Variants in CCSER1 observed in about 807,000 individuals in gnomAD.
CCSER1 encodes the protein serine-rich coiled-coil domain-containing protein 1.
In CCSER1, 41 loss-of-function variants were observed where a neutral mutation model predicts 82.0. The observed-to-expected ratio is 0.50, with a 90% CI of 0.39 to 0.65. CCSER1 has a LOEUF of 0.65. CCSER1 is among the 30% of genes least tolerant of loss of function. CCSER1 has a pLI of 0.00. For synonymous variants in CCSER1, 414 were observed against 383.9 expected (o/e 1.08, Z -0.92); for missense variants, 1,119 against 1,064.2 (o/e 1.05, Z -0.72).
At chr4:90,838,932 C>T in intron 8 of CCSER1, 8 of 1,613,494 alleles carry the variant, frequency 5.0e-6, no homozygotes, top group Non-Finnish European at 5.9e-6. Flanking sequence ...TTCTCCTGTT[C>T]AATCGTTTCT....
At chr4:91,251,092 G>A (rs1462665621) in intron 10 of CCSER1, among the ~76,000 whole-genome samples, 1 of 152,080 alleles carries the variant, frequency 6.6e-6, no homozygotes, top group Non-Finnish European at 1.5e-5. Context: ...CTGAAACAAT[G>A]AGAATCTGTC....
chr4:91,147,296 C>T (rs1729633840), intron 10 of CCSER1, among the ~76,000 whole-genome samples: 2 of 152,172 alleles, frequency 1.3e-5, no homozygotes, highest in African/African-American at 4.8e-5. Flanking sequence ...CTCATTCTCC[C>T]CCAATCCAGT....
chr4:90,544,322 A>G (rs116046009), intron 5 of CCSER1, among the ~76,000 whole-genome samples: 4,278 of 152,264 alleles, frequency 0.028, 75 homozygotes, highest in Non-Finnish European at 0.042. Context: ...GCCTGGATGA[A>G]TAGAACTCAC....
chr4:91,068,989 C>A (rs1158917451), intron 9 of CCSER1, among the ~76,000 whole-genome samples: 2 of 151,970 alleles, frequency 1.3e-5, no homozygotes, highest in Non-Finnish European at 2.9e-5. Flanking sequence ...TTGAGACCAG[C>A]CTGGCAAAAT....
chr4:90,552,599 A>G (rs779255325), intron 5 of CCSER1, among the ~76,000 whole-genome samples: 9 of 151,856 alleles, frequency 5.9e-5, no homozygotes, highest in Non-Finnish European at 1.0e-4. Context: ...CTGGGACCAT[A>G]AGCATAACAC....
At chr4:90,767,802 G>C (rs1751471634) in intron 7 of CCSER1, among the ~76,000 whole-genome samples, 1 of 152,054 alleles carries the variant, frequency 6.6e-6, no homozygotes, top group African/African-American at 2.4e-5. Context: ...TGAGTAGCTG[G>C]AACTACAGGT....
rs1350658515 is a variant in CCSER1 at position 91,012,839 on chromosome 4, C to T, written c.2173-73111C>T. Among the ~76,000 whole-genome samples the T allele has an allele frequency of 3.7e-5, 5 of 133,612 alleles. 1 individual carries two copies. Among genetic ancestry groups the T allele is most frequent in the African/African-American group, 1.2e-4 (5 of 40,216 alleles). The allele number at this position is 133,612 out of a possible 152,430, so 87.7% of individuals were successfully genotyped here. ...CTCACCTTAGTGCCTGAAAGGACTG[C>T]AGGGGTCCCCAGTGGTTAGGACTGT... On this transcript the variant is annotated intron_variant, in intron 9 of 10. Transcript: ENST00000509176.
chr4:90,420,745 CT>C (rs1756560063), intron 4 of CCSER1, among the ~76,000 whole-genome samples: 1 of 152,186 alleles, frequency 6.6e-6, no homozygotes, highest in Admixed American at 6.5e-5. Context: ...ATAGTATTTA[CT>C]TGTAACCTGC....
chr4:90,365,489 G>A (rs912471751), intron 3 of CCSER1, among the ~76,000 whole-genome samples: 2 of 151,632 alleles, frequency 1.3e-5, no homozygotes, highest in Non-Finnish European at 3.0e-5. Context: ...TAAGGAATTC[G>A]TGATAATTTT....
chr4:91,295,350 A>G (rs1744072547), intron 10 of CCSER1, among the ~76,000 whole-genome samples: 1 of 151,952 alleles, frequency 6.6e-6, no homozygotes, highest in African/African-American at 2.4e-5. Flanking sequence ...CAAAATATAC[A>G]AGAAATTAAT....
At chr4:90,449,748 G>C (rs1761176639) in intron 4 of CCSER1, among the ~76,000 whole-genome samples, 1 of 152,228 alleles carries the variant, frequency 6.6e-6, no homozygotes, top group Admixed American at 6.5e-5. Flanking sequence ...CAGGTGTGGG[G>C]AGAGGCCAGA....
At chr4:90,897,582 A>G (rs1405631362) in intron 8 of CCSER1, among the ~76,000 whole-genome samples, 4 of 152,052 alleles carry the variant, frequency 2.6e-5, no homozygotes, top group Non-Finnish European at 5.9e-5. Context: ...TATTGTGAAT[A>G]GTGCTGCAGT....
chr4:90,194,239 C>T (rs1736185823), intron 1 of CCSER1, among the ~76,000 whole-genome samples: 1 of 151,944 alleles, frequency 6.6e-6, no homozygotes, highest in Non-Finnish European at 1.5e-5. Context: ...TAACATAAGC[C>T]TTGATTTTTT....
rs539305566 is a variant in CCSER1 at position 91,449,441 on chromosome 4, T to C, written c.2218-149131T>C. Among the ~76,000 whole-genome samples, 4 of 152,106 alleles carry C rather than the reference T, an allele frequency of 2.6e-5. No homozygotes were observed. The South Asian group carries it at 6.2e-4, about 24-fold the overall frequency. ...TCATAAGACATTTAGACAGTTTAAA[T>C]TGTGTCATTTTTTTTGGTGCTCAGT... On this transcript the variant is annotated intron_variant, in intron 10 of 10. Coordinates refer to ENST00000509176, the MANE Select transcript of CCSER1 (RefSeq NM_001145065.2).
In CCSER1 at chr4:91,351,971, A is replaced by G. The variant is rs568496899; in HGVS notation, c.2218-246601A>G. On this transcript the variant is annotated intron_variant, in intron 10 of 10. Coordinates refer to ENST00000509176, the MANE Select transcript of CCSER1 (RefSeq NM_001145065.2). Reference sequence around the variant, plus strand: ...ACAGACTTCTGAGCGCTGAAATGCAATGAGAAACACAGAAGTACCAATGGT... The same window carrying G: ...ACAGACTTCTGAGCGCTGAAATGCAGTGAGAAACACAGAAGTACCAATGGT... 7.2e-5 allele frequency among the ~76,000 whole-genome samples: 11 copies of G among 152,316 alleles called. No homozygotes were observed. In the South Asian group the frequency reaches 1.7e-3, roughly 23 times the overall value.
At chr4:90,201,440 TGA>T (rs2153406011) in intron 1 of CCSER1, among the ~76,000 whole-genome samples, 1 of 151,724 alleles carries the variant, frequency 6.6e-6, no homozygotes, top group South Asian at 2.1e-4. Flanking sequence ...TAAAAATATG[TGA>T]GTCACATGTG....
intron 7 of CCSER1, among the ~76,000 whole-genome samples, chr4:90,735,404 G>A (rs1015000333): frequency 1.3e-5 from 2 of 152,070 alleles, no homozygotes; most frequent in Non-Finnish European, 2.9e-5. Flanking sequence ...ATTGATACTA[G>A]TTCTTCAAAT....
At chr4:90,613,878 T>C (rs1209596134) in intron 5 of CCSER1, among the ~76,000 whole-genome samples, 3 of 152,334 alleles carry the variant, frequency 2.0e-5, no homozygotes, top group South Asian at 4.1e-4. Flanking sequence ...AGAACATGAA[T>C]AGTTTATTTA....
intron 4 of CCSER1, among the ~76,000 whole-genome samples, chr4:90,456,870 G>A (rs1485936593): frequency 6.6e-6 from 1 of 152,232 alleles, no homozygotes; most frequent in African/African-American, 2.4e-5. Context: ...TCCTCAGGGT[G>A]TTGCTTTGCC....
Sources: allele counts gnomAD v4.1 joint callset (sites outside exome capture counted in the v4.1 genomes callset), GRCh38; gene constraint gnomAD v4.1.1; transcripts MANE v1.5; gene names NCBI Gene and HGNC (gene_info 2026-07-23, HGNC 2026-07-21).